Variants in ZNF704 observed in about 807,000 individuals in gnomAD.
ZNF704 encodes the protein zinc finger protein 704.
A neutral mutation model predicts 44.7 loss-of-function variants in ZNF704; 10 were observed. That is an observed-to-expected ratio of 0.22 (90% CI 0.14 to 0.38). The LOEUF (loss-of-function observed/expected upper bound fraction) is 0.38. ZNF704 is among the 10% of genes least tolerant of loss of function. The pLI, the probability that ZNF704 is intolerant of heterozygous loss-of-function variation, is 1.00. For missense variants in ZNF704, 390 were observed against 545.5 expected, an observed-to-expected ratio of 0.71 and a Z score of 2.84; for synonymous variants, 211 against 207.6, an observed-to-expected ratio of 1.02 and a Z score of -0.14.
At chr8:80,680,830 A>C (rs1818441901) in intron 4 of ZNF704, among the ~76,000 whole-genome samples, 1 of 152,150 alleles carries the variant, frequency 6.6e-6, no homozygotes. Context: ...GTGTGGGGTT[A>C]ATACAAAGTA....
intron 6 of ZNF704, among the ~76,000 whole-genome samples, chr8:80,663,409 GTTT>G (rs912792785): frequency 1.3e-4 from 20 of 151,676 alleles, no homozygotes; most frequent in African/African-American, 4.6e-4. Context: ...AAAAAAGGGA[GTTT>G]TACCCATGTC....
intron 2 of ZNF704, among the ~76,000 whole-genome samples, chr8:80,730,017 A>G (rs1806551557): frequency 1.3e-5 from 2 of 152,168 alleles, no homozygotes; most frequent in South Asian, 4.1e-4. Context: ...TAAACAAATT[A>G]GGCAGCTTGA....
intron 2 of ZNF704, among the ~76,000 whole-genome samples, chr8:80,745,100 C>T (rs1460518106): frequency 4.6e-5 from 7 of 152,160 alleles, no homozygotes; most frequent in Non-Finnish European, 1.0e-4. Flanking sequence ...CCCATTTCTT[C>T]TATTCCTACA....
intron 3 of ZNF704, among the ~76,000 whole-genome samples, chr8:80,689,070 T>C (rs1818589636): frequency 6.6e-6 from 1 of 152,178 alleles, no homozygotes; most frequent in Non-Finnish European, 1.5e-5. Flanking sequence ...TTTTACTTTT[T>C]TTTGGATAAT....
Position 80,641,195 on chromosome 8 carries a change from G to A in ZNF704, c.*171C>T, listed in dbSNP as rs1817736930. The A allele has an allele frequency of 1.7e-5, 8 of 465,590 alleles. No homozygotes were observed. The South Asian group carries it at 3.1e-4, about 18-fold the overall frequency. 28.8% of individuals were successfully genotyped at this position (465,590 alleles called of 1,614,324 possible). On this transcript the variant is annotated 3_prime_UTR_variant, in exon 9 of 9. Transcript: ENST00000327835. ...GCAACTTTCTTTTGTCATAGGTGGT[G>A]ACTTAAACAATTTTTCTGTGTTTTT...
intron 1 of ZNF704, among the ~76,000 whole-genome samples, chr8:80,865,637 A>C (rs1359852140): frequency 6.6e-6 from 1 of 152,224 alleles, no homozygotes; most frequent in Non-Finnish European, 1.5e-5. Context: ...AGCCACGTAC[A>C]ATTAGTCTGA....
intron 2 of ZNF704, among the ~76,000 whole-genome samples, chr8:80,733,917 G>A (rs1806623446): frequency 6.6e-6 from 1 of 152,106 alleles, no homozygotes; most frequent in African/African-American, 2.4e-5. Context: ...TCTTTGTATT[G>A]TTTTATTAGC....
At chr8:80,766,113 A>G (rs1302081448) in intron 2 of ZNF704, among the ~76,000 whole-genome samples, 2 of 152,146 alleles carry the variant, frequency 1.3e-5, no homozygotes, top group African/African-American at 4.8e-5. Flanking sequence ...TTCTATTAAT[A>G]ATACCAGTTA....
chr8:80,716,043 G>A (rs921413900), intron 2 of ZNF704, among the ~76,000 whole-genome samples: 1 of 151,088 alleles, frequency 6.6e-6, no homozygotes, highest in Admixed American at 6.6e-5. Flanking sequence ...TTGTGTCACT[G>A]CACTCCAGCC....
chr8:80,763,420 T>A (rs1170281036), intron 2 of ZNF704, among the ~76,000 whole-genome samples: 2 of 152,206 alleles, frequency 1.3e-5, no homozygotes, highest in African/African-American at 4.8e-5. Context: ...CAACACCAAA[T>A]GGAAGCTGCC....
At chr8:80,832,833 A>G (rs1015738250) in intron 1 of ZNF704, among the ~76,000 whole-genome samples, 10 of 152,136 alleles carry the variant, frequency 6.6e-5, no homozygotes, top group Admixed American at 2.0e-4. Flanking sequence ...AAAGTTTATA[A>G]AATTTTTTCT....
chr8:80,822,574 G>C lies in ZNF704; in HGVS notation c.-21-959C>G, dbSNP rs571168702. 2.6e-5 allele frequency among the ~76,000 whole-genome samples: 4 copies of C among 152,264 alleles called. No individual in the cohort carries two copies. In the East Asian group the frequency reaches 7.7e-4, roughly 29 times the overall value. ...TGGGTATATACCCAGTAATGGGATG[G>C]CTGGGTCATATGGTATTTCTAGTTC... On this transcript the variant is annotated intron_variant, in intron 1 of 8. Coordinates refer to ENST00000327835, the MANE Select transcript of ZNF704 (RefSeq NM_001033723.3).
chr8:80,713,509 T>A (rs1044107022), intron 2 of ZNF704, among the ~76,000 whole-genome samples: 2 of 152,232 alleles, frequency 1.3e-5, no homozygotes, highest in Admixed American at 1.3e-4. Context: ...GTTTGTATCA[T>A]CTACATCTTC....
intron 1 of ZNF704, among the ~76,000 whole-genome samples, chr8:80,836,606 G>A (rs1003619251): frequency 2.0e-5 from 3 of 151,688 alleles, no homozygotes; most frequent in Non-Finnish European, 4.4e-5. Context: ...GCAACCCCCC[G>A]TCTCTACAAA....
At chr8:80,782,141 G>T (rs1203833121) in intron 2 of ZNF704, among the ~76,000 whole-genome samples, 5 of 152,166 alleles carry the variant, frequency 3.3e-5, no homozygotes, top group Non-Finnish European at 7.3e-5. Flanking sequence ...CTTTGAGTTA[G>T]CGCAGCTGGG....
In ZNF704 at chr8:80,635,334, T is replaced by C. The variant is rs1475083361; in HGVS notation, c.*6032A>G. 6.6e-6 allele frequency: 1 copy of C among 152,242 alleles called. No homozygotes were observed. Among genetic ancestry groups the C allele is most frequent in the Non-Finnish European group, 1.5e-5 (1 of 68,024 alleles). 9.4% of individuals were successfully genotyped at this position (152,242 alleles called of 1,614,324 possible). ...ACTCAGTCACTTTCTGATCACAACCTCATGTGCCTGCTAGTTCTTCACAGT... is the reference window on the plus strand; with the variant it reads ...ACTCAGTCACTTTCTGATCACAACCCCATGTGCCTGCTAGTTCTTCACAGT... On this transcript the variant is annotated 3_prime_UTR_variant, in exon 9 of 9. Coordinates refer to ENST00000327835, the MANE Select transcript of ZNF704 (RefSeq NM_001033723.3).
chr8:80,860,054 C>T (rs559201111), intron 1 of ZNF704, among the ~76,000 whole-genome samples: 121 of 152,296 alleles, frequency 7.9e-4, no homozygotes, highest in Middle Eastern at 3.4e-3. Context: ...ATTGTAAGAA[C>T]GAAACCTCTG....
At chr8:80,855,813 A>T (rs776456710) in intron 1 of ZNF704, among the ~76,000 whole-genome samples, 6 of 152,224 alleles carry the variant, frequency 3.9e-5, no homozygotes, top group Non-Finnish European at 8.8e-5. Flanking sequence ...CATAGCAGAG[A>T]AGTTCAACCT....
chr8:80,665,825 T>C (rs1276312563), intron 5 of ZNF704, among the ~76,000 whole-genome samples: 1 of 151,044 alleles, frequency 6.6e-6, no homozygotes, highest in Non-Finnish European at 1.5e-5. Context: ...TATTTTATTT[T>C]ATTTTATTTT....
Sources: allele counts gnomAD v4.1 joint callset (sites outside exome capture counted in the v4.1 genomes callset), GRCh38; gene constraint gnomAD v4.1.1; transcripts MANE v1.5; gene names NCBI Gene and HGNC (gene_info 2026-07-23, HGNC 2026-07-21).